The following FRMD3 variants were observed in gnomAD, a reference collection of about 807,000 sequenced individuals.
FRMD3 encodes the protein FERM domain containing 3, also known as FERM domain-containing protein 3.
FRMD3 carries 33 observed loss-of-function variants against 70.2 expected under a neutral mutation model. The observed-to-expected ratio is 0.47, with a 90% confidence interval of 0.36 to 0.63. FRMD3 has a LOEUF of 0.63. Ranked by LOEUF, FRMD3 falls within the 20% of genes least tolerant of loss-of-function variation. FRMD3 has a pLI of 0.00. For synonymous variants in FRMD3, 279 were observed against 255.9 expected (o/e 1.09, Z -0.86); for missense variants, 632 against 711.4 (o/e 0.89, Z 1.27).
At chr9:83,501,417 T>C (rs559588568) in intron 1 of FRMD3, among the ~76,000 whole-genome samples, 61 of 152,294 alleles carry the variant, frequency 4.0e-4, no homozygotes, top group African/African-American at 1.4e-3. Flanking sequence ...ACCCCAATAA[T>C]TTTTCAGAGA....
chr9:83,423,585 C>CTT (rs869226126), intron 1 of FRMD3, among the ~76,000 whole-genome samples: 4,542 of 60,316 alleles, frequency 0.075, 1,019 homozygotes, highest in African/African-American at 0.19. Flanking sequence ...AGCCCTGTTT[C>CTT]TTTTTTTTTT....
chr9:83,481,640 G>A (rs1242903506), intron 1 of FRMD3, among the ~76,000 whole-genome samples: 5 of 152,280 alleles, frequency 3.3e-5, no homozygotes, highest in African/African-American at 1.2e-4. Context: ...CAAATTGCAT[G>A]TGTAAAACTT....
At chr9:83,317,081 C>A (rs764967900) in intron 6 of FRMD3, among the ~76,000 whole-genome samples, 2 of 151,704 alleles carry the variant, frequency 1.3e-5, no homozygotes, top group East Asian at 1.9e-4. Context: ...GCACTATGAT[C>A]GTGCCACTGT....
chr9:83,580,633 C>T, the FRMD3 span, among the ~76,000 whole-genome samples: 2 of 151,834 alleles, frequency 1.3e-5, no homozygotes, highest in African/African-American at 2.4e-5. Context: ...AGAGAATGAA[C>T]GGGGAATTAT....
At chr9:83,548,411 C>T in the FRMD3 span, among the ~76,000 whole-genome samples, 1 of 152,088 alleles carries the variant, frequency 6.6e-6, no homozygotes, top group Admixed American at 6.6e-5. Context: ...AATGAGCTAT[C>T]AAGTCATGAA....
chr9:83,562,135 C>A, the FRMD3 span, among the ~76,000 whole-genome samples: 2 of 152,150 alleles, frequency 1.3e-5, no homozygotes, highest in Admixed American at 1.3e-4. Flanking sequence ...ACAGAACGAG[C>A]TAGCGGGATA....
upstream of FRMD3, among the ~76,000 whole-genome samples, chr9:83,539,533 G>A (rs892977222): frequency 2.0e-5 from 3 of 152,206 alleles, no homozygotes; most frequent in African/African-American, 7.2e-5. Flanking sequence ...TTCAAGGTTT[G>A]TGCCTGCATA....
upstream of FRMD3, among the ~76,000 whole-genome samples, chr9:83,540,429 A>G (rs1829986836): frequency 6.6e-6 from 1 of 152,218 alleles, no homozygotes; most frequent in African/African-American, 2.4e-5. Context: ...AATAAAGATA[A>G]CCCAATGTGG....
rs4520247 is a variant in FRMD3, at chr9:83,457,467, G to A, written c.148-67759C>T. Reference sequence around the variant, plus strand: ...CACATCAACAGTGGGGGTGGATCCTGTGGATACCAAGATCCATGACTGTTC... The same window carrying A: ...CACATCAACAGTGGGGGTGGATCCTATGGATACCAAGATCCATGACTGTTC... On this transcript the variant is annotated intron_variant, in intron 1 of 13. Coordinates refer to ENST00000304195, the MANE Select transcript of FRMD3 (RefSeq NM_174938.6). Among the ~76,000 whole-genome samples the A allele has an allele frequency of 7.0e-3, 1,067 of 152,280 alleles. 11 individuals carry two copies. Among genetic ancestry groups the A allele is most frequent in the African/African-American group, 0.024 (1,005 of 41,538 alleles).
intron 3 of FRMD3, among the ~76,000 whole-genome samples, chr9:83,360,798 G>A (rs1297550998): frequency 6.6e-6 from 1 of 152,200 alleles, no homozygotes; most frequent in Non-Finnish European, 1.5e-5. Flanking sequence ...GGCTTGTCAA[G>A]TGTGCACATC....
intron 1 of FRMD3, among the ~76,000 whole-genome samples, chr9:83,496,058 C>G (rs897994255): frequency 6.6e-6 from 1 of 152,166 alleles, no homozygotes; most frequent in Non-Finnish European, 1.5e-5. Flanking sequence ...AGTATGAGAC[C>G]TTCTTACACT....
At chr9:83,281,201 CA>C (rs1420551961) in intron 13 of FRMD3, among the ~76,000 whole-genome samples, 4 of 152,138 alleles carry the variant, frequency 2.6e-5, no homozygotes, top group Non-Finnish European at 4.4e-5. Flanking sequence ...AACCCACTGA[CA>C]AAAATGCAAG....
intron 6 of FRMD3, among the ~76,000 whole-genome samples, chr9:83,325,677 T>C (rs1306407238): frequency 2.6e-5 from 4 of 152,198 alleles, no homozygotes; most frequent in African/African-American, 9.7e-5. Context: ...TTGCCATTTA[T>C]CAATGATAAG....
At position 83,310,534 on chromosome 9, in the gene FRMD3, T is replaced by A. The variant is rs376710728; in HGVS notation, c.788A>T (p.Lys263Ile). 5.6e-6 allele frequency: 9 copies of A among 1,602,746 alleles called. No homozygotes were observed. The African/African-American group carries it at 1.2e-4, about 22-fold the overall frequency. Residue 263 changes from lysine to isoleucine, a missense_variant, in exon 9 of 14, where the codon AAA becomes ATA. This residue lies in a region of FRMD3 where 418 missense variants were observed against 442.1 expected (regional missense o/e 0.95). Transcript: ENST00000304195. ...IHLIKWPDVC[K>I]LKFEGKTFYV... ...AAATGTCTTCCCTTCAAACTTCAAT[T>A]TGCAGACATCTGGCCTAAGAAAAGA...
In FRMD3 at chr9:83,311,228, A is replaced by T. The variant is rs370221099; in HGVS notation, c.773+659T>A. Among the ~76,000 whole-genome samples, 932 of 151,208 alleles carry T rather than the reference A, an allele frequency of 6.2e-3. 12 individuals are homozygous for T. The highest frequency in any genetic ancestry group is 0.04 in the South Asian group (188 of 4,734). On this transcript the variant is annotated intron_variant, in intron 8 of 13. Coordinates refer to ENST00000304195, the MANE Select transcript of FRMD3 (RefSeq NM_174938.6). ...GGGGAGATGTGCAGGCCAGTCCCGC[A>T]CATGCCCATCTCAGGAGCAGGAGCC...
chr9:83,267,107 C>T (rs1724552847), intron 13 of FRMD3: 2 of 1,550,586 alleles, frequency 1.3e-6, no homozygotes, highest in Non-Finnish European at 1.7e-6. Context: ...GAGGCTTCGT[C>T]GAGTCTGGAT....
At chr9:83,563,411 C>T in the FRMD3 span, among the ~76,000 whole-genome samples, 2,147 of 152,198 alleles carry the variant, frequency 0.014, 19 homozygotes, top group Non-Finnish European at 0.021. Flanking sequence ...CTTGACTAGA[C>T]CCCAACAAAA....
intron 4 of FRMD3, among the ~76,000 whole-genome samples, chr9:83,346,027 A>T (rs1276323219): frequency 6.6e-6 from 1 of 152,158 alleles, no homozygotes; most frequent in African/African-American, 2.4e-5. Context: ...AGGCCGAGGC[A>T]GGCGGATAGC....
downstream of FRMD3, among the ~76,000 whole-genome samples, chr9:83,244,184 T>TAGAG (rs1355298163): frequency 1.3e-5 from 2 of 151,480 alleles, no homozygotes; most frequent in Non-Finnish European, 2.9e-5. Flanking sequence ...CGTGAACAGA[T>TAGAG]AGAGAAGTTT....
Sources: allele counts gnomAD v4.1 joint callset (sites outside exome capture counted in the v4.1 genomes callset), GRCh38; gene constraint gnomAD v4.1.1; regional missense constraint gnomAD v4.1.1; transcripts MANE v1.5; gene names NCBI Gene and HGNC (gene_info 2026-07-23, HGNC 2026-07-21).